Variants in PDK1 observed in about 807,000 individuals in gnomAD.
The protein encoded by PDK1 is [Pyruvate dehydrogenase (acetyl-transferring)] kinase isozyme 1, mitochondrial.
In PDK1, 39 loss-of-function variants were observed where a neutral mutation model predicts 54.2. That is an observed-to-expected ratio of 0.72 (90% CI 0.56 to 0.94). PDK1 has a LOEUF of 0.94. Among genes scored for constraint, PDK1 ranks in the 40% least tolerant of loss-of-function variants. The pLI, the probability that PDK1 is intolerant of heterozygous loss-of-function variation, is 0.00. For missense variants in PDK1, 552 were observed against 566.0 expected (o/e 0.98, Z 0.25); for synonymous variants, 221 against 207.1 (o/e 1.07, Z -0.58).
chr2:172,642,990 T>C, the PDK1 span, among the ~76,000 whole-genome samples: 1 of 152,234 alleles, frequency 6.6e-6, no homozygotes, highest in Non-Finnish European at 1.5e-5. Context: ...GGACATCATC[T>C]GTTTTCATAC....
chr2:172,610,858 T>G (rs188597108), downstream of PDK1, among the ~76,000 whole-genome samples: 61 of 152,250 alleles, frequency 4.0e-4, no homozygotes, highest in African/African-American at 1.4e-3. Context: ...TGATCCACCC[T>G]CCTCGGCCTC....
chr2:172,588,699 T>C (rs539809127), intron 9 of PDK1, among the ~76,000 whole-genome samples: 27 of 152,336 alleles, frequency 1.8e-4, no homozygotes, highest in Non-Finnish European at 3.2e-4. Context: ...GTAGGGTAGC[T>C]GGAGAAAGGC....
chr2:172,723,941 A>T, the PDK1 span: 1 of 152,190 alleles, frequency 6.6e-6, no homozygotes, highest in Non-Finnish European at 1.5e-5. Context: ...GTAGGTTTAA[A>T]CATTTTCACA....
At chr2:172,703,481 G>A in the PDK1 span, among the ~76,000 whole-genome samples, 2 of 152,150 alleles carry the variant, frequency 1.3e-5, no homozygotes, top group East Asian at 1.9e-4. Context: ...ACACCTGACA[G>A]GTTCAAAGCC....
At chr2:172,636,946 C>T in the PDK1 span, among the ~76,000 whole-genome samples, 1 of 152,148 alleles carries the variant, frequency 6.6e-6, no homozygotes, top group Non-Finnish European at 1.5e-5. Flanking sequence ...TAGAAAAAAA[C>T]TCAAACCGTA....
chr2:172,663,608 G>A, the PDK1 span, among the ~76,000 whole-genome samples: 1 of 152,120 alleles, frequency 6.6e-6, no homozygotes, highest in African/African-American at 2.4e-5. Context: ...AGGGGGTCCT[G>A]GAGAAACTCC....
intron 1 of PDK1, among the ~76,000 whole-genome samples, chr2:172,557,053 C>G (rs953388083): frequency 2.0e-5 from 3 of 150,062 alleles, no homozygotes; most frequent in Non-Finnish European, 4.4e-5. Context: ...AAGGGAAAAC[C>G]TTAATGAATT....
At chr2:172,687,173 T>C in the PDK1 span, among the ~76,000 whole-genome samples, 1 of 152,254 alleles carries the variant, frequency 6.6e-6, no homozygotes, top group South Asian at 2.1e-4. Flanking sequence ...CCTGCCTCCT[T>C]CCCAAATATA....
chr2:172,613,834 C>G, the PDK1 span, among the ~76,000 whole-genome samples: 1 of 152,118 alleles, frequency 6.6e-6, no homozygotes, highest in Non-Finnish European at 1.5e-5. Context: ...CTGCAGCCAC[C>G]CAAACCGCAG....
At chr2:172,622,395 A>ATATATTATGTGAGATATGTT in the PDK1 span, among the ~76,000 whole-genome samples, 2 of 145,054 alleles carry the variant, frequency 1.4e-5, no homozygotes, top group Non-Finnish European at 3.0e-5. Flanking sequence ...TGTTTATATC[A>ATATATTATGTGAGATATGTT]TATATTATGT....
the PDK1 span, among the ~76,000 whole-genome samples, chr2:172,646,368 A>T: frequency 0.015 from 2,292 of 152,160 alleles, 54 homozygotes; most frequent in African/African-American, 0.052. Context: ...ACTCTTTGCA[A>T]ACAAAAATCC....
In PDK1 at chr2:172,607,521, C is replaced by T. The variant is rs1161630155; in HGVS notation, c.*11552C>T. 6.6e-6 allele frequency: 1 copy of T among 152,214 alleles called. No individual in the cohort carries two copies. Among genetic ancestry groups the T allele is most frequent in the Non-Finnish European group, 1.5e-5 (1 of 68,050 alleles). 9.4% of individuals were successfully genotyped at this position (152,214 alleles called of 1,614,324 possible). On this transcript the variant is annotated 3_prime_UTR_variant, in exon 11 of 11. Transcript: ENST00000282077. Reference sequence around the variant, plus strand: ...AGACTTGCTGTTACCCTGAGACAAGCCAACTGTCATTGCTTTAGCAACCAC... The same window carrying T: ...AGACTTGCTGTTACCCTGAGACAAGTCAACTGTCATTGCTTTAGCAACCAC...
At chr2:172,557,665 A>G (rs1688420614) in intron 1 of PDK1, among the ~76,000 whole-genome samples, 1 of 149,558 alleles carries the variant, frequency 6.7e-6, no homozygotes, top group African/African-American at 2.5e-5. Context: ...TTAAAAATAG[A>G]AATGGGGTCT....
At chr2:172,557,314 A>C (rs1007564668) in intron 1 of PDK1, among the ~76,000 whole-genome samples, 1 of 152,240 alleles carries the variant, frequency 6.6e-6, no homozygotes, top group African/African-American at 2.4e-5. Context: ...TACTGTTGAC[A>C]ATCTAGTTTT....
rs1010921892 is a variant in PDK1 at position 172,597,694 on chromosome 2, CTG to C, written c.*1729_*1730del. 3 of 152,168 alleles carry C rather than the reference CTG, an allele frequency of 2.0e-5. No individual in the cohort carries two copies. Among genetic ancestry groups the C allele is most frequent in the Non-Finnish European group, 2.9e-5 (2 of 68,020 alleles). 9.4% of individuals were successfully genotyped at this position (152,168 alleles called of 1,614,324 possible). A position where few individuals can be genotyped will look rare whatever the true frequency, so the allele number is the denominator to read the frequency against. ...GTCATCAGCTGGCAAGTCCAGGAGA[CTG>C]TGTCATTTAGAGACTGTGTTGTTAG... On this transcript the variant is annotated 3_prime_UTR_variant, in exon 11 of 11. Coordinates refer to ENST00000282077, the MANE Select transcript of PDK1 (RefSeq NM_002610.5).
the PDK1 span, among the ~76,000 whole-genome samples, chr2:172,673,062 G>A: frequency 7.3e-5 from 10 of 137,122 alleles, 1 homozygote; most frequent in African/African-American, 2.5e-4. Context: ...TCAAGCTTTA[G>A]CACAAGAATA....
intron 2 of PDK1, among the ~76,000 whole-genome samples, chr2:172,561,708 A>G (rs1408600191): frequency 6.6e-6 from 1 of 152,222 alleles, no homozygotes; most frequent in Non-Finnish European, 1.5e-5. Context: ...TGTTCAGTTT[A>G]AAAGAACCAT....
the PDK1 span, among the ~76,000 whole-genome samples, chr2:172,686,568 G>C: frequency 1.3e-5 from 2 of 152,190 alleles, no homozygotes; most frequent in Admixed American, 6.6e-5. Flanking sequence ...ACAAATAAGG[G>C]AATAAAAGCT....
At chr2:172,658,948 C>A in the PDK1 span, among the ~76,000 whole-genome samples, 1 of 152,172 alleles carries the variant, frequency 6.6e-6, no homozygotes, top group East Asian at 1.9e-4. Context: ...GCCTTGTGAT[C>A]TTTGCTTTGC....
Sources: allele counts gnomAD v4.1 joint callset (sites outside exome capture counted in the v4.1 genomes callset), GRCh38; gene constraint gnomAD v4.1.1; transcripts MANE v1.5; gene names NCBI Gene and HGNC (gene_info 2026-07-23, HGNC 2026-07-21).